The following IQGAP3 variants were observed in gnomAD, a reference collection of about 807,000 sequenced individuals.
IQGAP3 encodes ras GTPase-activating-like protein IQGAP3.
A neutral mutation model predicts 208.2 loss-of-function variants in IQGAP3; 165 were observed. The observed-to-expected ratio is 0.79, with a 90% confidence interval of 0.70 to 0.90. IQGAP3 has a LOEUF of 0.90. Ranked by LOEUF, IQGAP3 falls within the 40% of genes least tolerant of loss-of-function variation. IQGAP3 has a pLI of 0.00. For missense variants in IQGAP3, 1,811 were observed against 2,043.1 expected (o/e 0.89, Z 2.19); for synonymous variants, 703 against 803.6 (o/e 0.87, Z 2.12).
chr1:156,548,983 G>A (rs887846318), intron 16 of IQGAP3, among the ~76,000 whole-genome samples: 3 of 152,220 alleles, frequency 2.0e-5, no homozygotes, highest in Admixed American at 6.5e-5. Flanking sequence ...GGGAGGCAGC[G>A]TGGGGCTAGG....
intron 2 of IQGAP3, among the ~76,000 whole-genome samples, chr1:156,566,805 C>T (rs1377253077): frequency 6.6e-6 from 1 of 152,024 alleles, no homozygotes. Flanking sequence ...CCTGAACCTG[C>T]CCATCTTCAG....
intron 22 of IQGAP3, among the ~76,000 whole-genome samples, chr1:156,543,712 C>T (rs1675094406): frequency 6.6e-6 from 1 of 152,224 alleles, no homozygotes; most frequent in African/African-American, 2.4e-5. Flanking sequence ...AGATCCTTTT[C>T]TTTCTGCTTT....
At chr1:156,538,307 G>T (rs1239986961) in intron 26 of IQGAP3, among the ~76,000 whole-genome samples, 1 of 152,186 alleles carries the variant, frequency 6.6e-6, no homozygotes, top group Non-Finnish European at 1.5e-5. Flanking sequence ...TGATCCGCCT[G>T]CCTCGGTCTC....
At chr1:156,567,481 C>T (rs1676461647) in intron 2 of IQGAP3, among the ~76,000 whole-genome samples, 1 of 152,070 alleles carries the variant, frequency 6.6e-6, no homozygotes, top group Non-Finnish European at 1.5e-5. Flanking sequence ...TGGGCAGCTG[C>T]CAGGATCAAA....
At chr1:156,569,270 A>T (rs1282574675) in intron 2 of IQGAP3, 106 bp downstream of exon 2, 5 of 694,146 alleles carry the variant, frequency 7.2e-6, no homozygotes, top group Non-Finnish European at 1.2e-5. Flanking sequence ...GCCCTTTCCC[A>T]CAGGATGGAC....
intron 15 of IQGAP3, among the ~76,000 whole-genome samples, chr1:156,551,001 G>A (rs988859626): frequency 1.3e-5 from 2 of 152,132 alleles, no homozygotes; most frequent in African/African-American, 2.4e-5. Flanking sequence ...ACATTTTATT[G>A]AGTACTGACT....
Position 156,566,124 on chromosome 1 carries a change from A to G in IQGAP3, c.283-20T>C, listed in dbSNP as rs776247152. 1.0e-5 allele frequency: 16 copies of G among 1,606,390 alleles called. No individual in the cohort carries two copies. In the African/African-American group the frequency reaches 2.1e-4, roughly 21 times the overall value. On this transcript the variant is annotated intron_variant, in intron 3 of 37. Coordinates refer to ENST00000361170, the MANE Select transcript of IQGAP3 (RefSeq NM_178229.5). ...AGTTGCCTGAAAGGGAAGGAAAAAG[A>G]AAATCTATTTCCACAGTTCTCAGCA...
At chr1:156,544,362 G>A (rs1423189766) in intron 20 of IQGAP3, 27 bp downstream of exon 20, 2 of 1,594,220 alleles carry the variant, frequency 1.3e-6, no homozygotes, top group African/African-American at 1.3e-5. Flanking sequence ...TTGAGAGAAA[G>A]GAGCCTGCCA....
chr1:156,570,204 C>T (rs1676587148), intron 1 of IQGAP3, among the ~76,000 whole-genome samples: 1 of 152,208 alleles, frequency 6.6e-6, no homozygotes, highest in Non-Finnish European at 1.5e-5. Context: ...TCAATACCTC[C>T]TTTATGCCAG....
chr1:156,550,968 A>T (rs58479386), intron 15 of IQGAP3, among the ~76,000 whole-genome samples: 2,760 of 152,270 alleles, frequency 0.018, 44 homozygotes, highest in African/African-American at 0.044. Flanking sequence ...ACTCTCCTCA[A>T]TAATAATAGA....
intron 11 of IQGAP3, among the ~76,000 whole-genome samples, chr1:156,560,260 C>A (rs991815130): frequency 6.9e-6 from 1 of 145,430 alleles, no homozygotes; most frequent in Non-Finnish European, 1.5e-5. Context: ...CCTGTAATCC[C>A]CAGCACTTTG....
chr1:156,570,079 C>T (rs1389824052), intron 1 of IQGAP3, among the ~76,000 whole-genome samples: 1 of 152,178 alleles, frequency 6.6e-6, no homozygotes, highest in Non-Finnish European at 1.5e-5. Flanking sequence ...TTTTCTTATC[C>T]CTAATTAGAC....
chr1:156,540,358 C>A (rs1674918058), intron 23 of IQGAP3, among the ~76,000 whole-genome samples: 1 of 152,140 alleles, frequency 6.6e-6, no homozygotes, highest in Non-Finnish European at 1.5e-5. Flanking sequence ...ATGATTTAAA[C>A]AGCTTTCATA....
At chr1:156,563,085 T>G in intron 8 of IQGAP3, 49 bp downstream of exon 8, 1 of 1,493,410 alleles carries the variant, frequency 6.7e-7, no homozygotes, top group Admixed American at 2.1e-5. Flanking sequence ...ACTTGAGACT[T>G]TCCAGCCACT....
In IQGAP3 at chr1:156,534,730, C is replaced by T; in HGVS notation, c.3511G>A (p.Val1171Ile). ...DATDSEVYKV[V>I]GNLLYYRFLN... ...AAGCGGTAGTACAGGAGGTTCCCGACCACCTGAGGGCAAAGGAGACTCTCC... is the reference window on the plus strand; with the variant it reads ...AAGCGGTAGTACAGGAGGTTCCCGATCACCTGAGGGCAAAGGAGACTCTCC... The change falls in exon 29 of 38, where the codon GTC (valine) becomes ATC (isoleucine). Residue 1171 changes from valine to isoleucine, a missense_variant. Coordinates refer to ENST00000361170, the MANE Select transcript of IQGAP3 (RefSeq NM_178229.5). 6.4e-7 allele frequency: 1 copy of T among 1,552,440 alleles called. No individual in the cohort carries two copies. The highest frequency in any genetic ancestry group is 8.7e-7 in the Non-Finnish European group (1 of 1,150,666).
At chr1:156,539,692 G>T in intron 24 of IQGAP3, 146 bp downstream of exon 24, 1 of 1,174,824 alleles carries the variant, frequency 8.5e-7, no homozygotes, top group Non-Finnish European at 1.2e-6. Flanking sequence ...AACAGGGGAA[G>T]AGGTAGTCTC....
At chr1:156,540,616 G>A in intron 23 of IQGAP3, 92 bp downstream of exon 23, 1 of 1,194,520 alleles carries the variant, frequency 8.4e-7, no homozygotes, top group Non-Finnish European at 1.2e-6. Flanking sequence ...ACAACATTTT[G>A]AAAAAAATTG....
At chr1:156,554,062 C>T (rs1675697461) in intron 13 of IQGAP3, among the ~76,000 whole-genome samples, 173 bp downstream of exon 13, 1 of 152,258 alleles carries the variant, frequency 6.6e-6, no homozygotes, top group African/African-American at 2.4e-5. Flanking sequence ...GACTGTGATC[C>T]CATCCACTCC....
At chr1:156,551,573 G>T in intron 15 of IQGAP3, 132 bp downstream of exon 15, 1 of 948,962 alleles carries the variant, frequency 1.1e-6, no homozygotes, top group Non-Finnish European at 1.5e-6. Context: ...TACCAGATTG[G>T]AACACCCCCC....
Sources: allele counts gnomAD v4.1 joint callset (sites outside exome capture counted in the v4.1 genomes callset), GRCh38; gene constraint gnomAD v4.1.1; transcripts MANE v1.5; gene names NCBI Gene and HGNC (gene_info 2026-07-23, HGNC 2026-07-21).